Variants in HTT observed in about 807,000 individuals in gnomAD.
HTT encodes huntington disease protein.
In HTT, 104 loss-of-function variants were observed where a neutral mutation model predicts 362.3. The ratio of observed to expected loss-of-function variants is 0.29; its 90% confidence interval spans 0.24 to 0.34. The LOEUF (loss-of-function observed/expected upper bound fraction) is 0.34, where lower values mean the gene tolerates loss of function less well. Ranked by LOEUF, HTT falls within the 10% of genes least tolerant of loss-of-function variation. The pLI is 1.00. For synonymous variants in HTT, 1,577 were observed against 1,548.7 expected (o/e 1.02, Z -0.43); for missense variants, 3,301 against 3,928.6 (o/e 0.84, Z 4.27).
Position 3,208,469 on chromosome 4 carries a change from C to T in HTT, c.6153-304C>T, listed in dbSNP as rs188605299. On this transcript the variant is annotated intron_variant, in intron 45 of 66. Transcript: ENST00000355072. ...AAGAAAGCCTTTATTAGCTTTTATACTGTGTATTGCCTGTTGCAGTGTTTG... is the reference window on the plus strand; with the variant it reads ...AAGAAAGCCTTTATTAGCTTTTATATTGTGTATTGCCTGTTGCAGTGTTTG... 9.1e-4 allele frequency among the ~76,000 whole-genome samples: 139 copies of T among 152,292 alleles called. 1 individual carries two copies. Among genetic ancestry groups the T allele is most frequent in the African/African-American group, 3.1e-3 (130 of 41,566 alleles).
intron 50 of HTT, 41 bp downstream of exon 50, chr4:3,214,176 C>T: frequency 1.5e-6 from 2 of 1,375,616 alleles, no homozygotes; most frequent in Non-Finnish European, 1.9e-6. Flanking sequence ...TATCATAGTT[C>T]CTGTCTGCTT....
intron 40 of HTT, 90 bp from the exon 41 acceptor site, chr4:3,199,642 C>G: frequency 1.7e-6 from 2 of 1,153,394 alleles, no homozygotes; most frequent in South Asian, 2.6e-5. Flanking sequence ...ACGACTCAGC[C>G]TGTTTCATTT....
intron 24 of HTT, among the ~76,000 whole-genome samples, 156 bp downstream of exon 24, chr4:3,145,384 G>A (rs997086360): frequency 1.3e-5 from 2 of 152,194 alleles, no homozygotes; most frequent in Non-Finnish European, 2.9e-5. Flanking sequence ...TATATTAGCT[G>A]TGTGAGACTA....
chr4:3,115,518 A>G lies in HTT; in HGVS notation c.889+73A>G, dbSNP rs1403422249. 2.4e-6 allele frequency: 3 copies of G among 1,230,982 alleles called. No individual in the cohort carries two copies. The African/African-American group carries it at 4.5e-5, about 18-fold the overall frequency. 76.3% of individuals were successfully genotyped at this position (1,230,982 alleles called of 1,614,324 possible). On this transcript the variant is annotated intron_variant, in intron 7 of 66. Coordinates refer to ENST00000355072, the MANE Select transcript of HTT (RefSeq NM_001388492.1). Reference sequence around the variant, plus strand: ...ATAGACCTTTGAAATAAATAAAACCAGATGATCCCTCAGCTTCTAGACCAG... The same window carrying G: ...ATAGACCTTTGAAATAAATAAAACCGGATGATCCCTCAGCTTCTAGACCAG...
intron 15 of HTT, 82 bp downstream of exon 15, chr4:3,131,479 G>C: frequency 6.9e-7 from 1 of 1,453,728 alleles, no homozygotes; most frequent in South Asian, 1.1e-5. Flanking sequence ...TTTGCCTTGC[G>C]TGCAGCAGAG....
Position 3,172,918 on chromosome 4 carries a change from C to A in HTT, c.3953C>A (p.Thr1318Asn), listed in dbSNP as rs1355502821. The change falls in exon 31 of 67, where the codon ACT becomes AAT. Residue 1318 changes from threonine to asparagine, a missense_variant. Around this residue, in one of 4 missense-constraint regions of HTT, gnomAD observed 2,316 missense variants for 2,658.5 expected, o/e 0.87. Coordinates refer to ENST00000355072, the MANE Select transcript of HTT (RefSeq NM_001388492.1). ...ATVCVQQLLK[T>N]LFGTNLASQF... Reference sequence around the variant, plus strand: ...TTTTTTTCACTGTAGTTGTTGAAGACTCTCTTTGGCACAAACTTGGCCTCC... The same window carrying A: ...TTTTTTTCACTGTAGTTGTTGAAGAATCTCTTTGGCACAAACTTGGCCTCC... 1 of 1,613,784 alleles carries A rather than the reference C, an allele frequency of 6.2e-7. No individual in the cohort carries two copies. Among genetic ancestry groups the A allele is most frequent in the Non-Finnish European group, 8.5e-7 (1 of 1,179,768 alleles).
chr4:3,237,362 C>T (rs756387303), intron 64 of HTT, among the ~76,000 whole-genome samples: 2 of 152,240 alleles, frequency 1.3e-5, no homozygotes, highest in African/African-American at 4.8e-5. Flanking sequence ...GCGTGAGCCA[C>T]TGCGCCCGGC....
intron 59 of HTT, among the ~76,000 whole-genome samples, chr4:3,229,271 G>T (rs201362947): frequency 0.019 from 1,223 of 65,920 alleles, 6 homozygotes; most frequent in Non-Finnish European, 0.026. Flanking sequence ...CCACACACAT[G>T]CCACATGCAC....
intron 53 of HTT, 144 bp from the exon 54 acceptor site, chr4:3,222,243 A>G: frequency 3.2e-6 from 2 of 630,216 alleles, no homozygotes; most frequent in Admixed American, 2.7e-5. Flanking sequence ...TCCCCGCATC[A>G]TAGAACTGTG....
intron 29 of HTT, among the ~76,000 whole-genome samples, chr4:3,163,395 G>A (rs1023245851): frequency 2.0e-5 from 3 of 152,048 alleles, no homozygotes; most frequent in African/African-American, 4.8e-5. Flanking sequence ...CTCTTTTTTT[G>A]TTGTGTCTCT....
At chr4:3,099,442 G>A in intron 3 of HTT, 48 bp downstream of exon 3, 1 of 1,606,684 alleles carries the variant, frequency 6.2e-7, no homozygotes, top group Non-Finnish European at 8.5e-7. Flanking sequence ...CATTGTTGTA[G>A]GCTGAGAGAA....
At position 3,174,613 on chromosome 4, in the gene HTT, C is replaced by T. The variant is rs1192691098; in HGVS notation, c.4167-108C>T. On this transcript the variant is annotated intron_variant, in intron 31 of 66. Coordinates refer to ENST00000355072, the MANE Select transcript of HTT (RefSeq NM_001388492.1). ...AAGTTGTTTCTCAATCTGACACGTT[C>T]TGATCGTGTGAATGTGAAATTGGTT... is the stretch of plus-strand genomic sequence containing the variant. 5 of 818,136 alleles carry T rather than the reference C, an allele frequency of 6.1e-6. No homozygotes were observed. In the African/African-American group the frequency reaches 8.4e-5, roughly 14 times the overall value. 50.7% of individuals were successfully genotyped at this position (818,136 alleles called of 1,614,324 possible).
rs1719866332 is a variant in HTT at position 3,206,630 on chromosome 4, C to T, written c.5853C>T (p.Gly1951=). Residue 1951 remains glycine, a synonymous_variant, in exon 43 of 67, where the codon GGC becomes GGT. Coordinates refer to ENST00000355072, the MANE Select transcript of HTT (RefSeq NM_001388492.1). This position sits in a 1 kb window ranked among gnomAD's most constrained non-coding sequence, Gnocchi z 4.6. ...SAVHRNSAAS[G]LFIQAIQSRC... ...TTCATCGGAACTCTGCTGCCAGCGG[C>T]CTGTTCATCCAGGCAATTCAGTCTC... The T allele has an allele frequency of 1.2e-6, 2 of 1,614,206 alleles. No individual in the cohort carries two copies. Among genetic ancestry groups the T allele is most frequent in the Non-Finnish European group, 1.7e-6 (2 of 1,180,054 alleles).
At chr4:3,207,101 A>C (rs556772116) in intron 44 of HTT, 118 bp downstream of exon 44, 18 of 1,159,836 alleles carry the variant, frequency 1.6e-5, no homozygotes, top group Non-Finnish European at 2.2e-5. Flanking sequence ...CGATAGAAAC[A>C]TGGAAACATC....
At position 3,074,943 on chromosome 4, in the gene HTT, C is replaced by CAGCAGCAGCAGCAGCAGCAGCAGCAG; in HGVS notation, c.118_119insAGCAGCAGCAGCAGCAGCAGCAGCAG (p.Pro40GlnfsTer70). On this transcript the variant is annotated frameshift_variant, in exon 1 of 67. Coordinates refer to ENST00000355072, the MANE Select transcript of HTT (RefSeq NM_001388492.1). LOFTEE classifies it high-confidence loss of function. ...GCAGCAGCAGCAGCAGCAACAGCCG[C>CAGCAGCAGCAGCAGCAGCAGCAGCAG]CACCGCCGCCGCCGCCGCCGCCGCC... 1 of 1,485,134 alleles carries CAGCAGCAGCAGCAGCAGCAGCAGCAG rather than the reference C, an allele frequency of 6.7e-7. No homozygotes were observed. The highest frequency in any genetic ancestry group is 8.9e-7 in the Non-Finnish European group (1 of 1,121,724). The allele number at this position is 1,485,134 out of a possible 1,614,324, so 92.0% of individuals were successfully genotyped here. A position where few individuals can be genotyped will look rare whatever the true frequency, so the allele number is the denominator to read the frequency against.
Position 3,212,594 on chromosome 4 carries a change from C to T in HTT, c.6659C>T (p.Thr2220Ile). Residue 2220 changes from threonine to isoleucine, a missense_variant, in exon 49 of 67, where the codon ACT (threonine) becomes ATT (isoleucine). This residue lies in a region of HTT where 220 missense variants were observed against 218.5 expected (regional missense o/e 1.01). Transcript: ENST00000355072. ...GCTGCACTGTATCAGTCCCTGCCCA[C>T]TCTGGCCCGGGCCCTGGCACAGTAC... ...GDAALYQSLP[T>I]LARALAQYLV... 6.2e-7 allele frequency: 1 copy of T among 1,614,280 alleles called. No homozygotes were observed. The highest frequency in any genetic ancestry group is 8.5e-7 in the Non-Finnish European group (1 of 1,180,048).
At position 3,206,737 on chromosome 4, in the gene HTT, T is replaced by C. The variant is rs572867958; in HGVS notation, c.5898+62T>C. On this transcript the variant is annotated intron_variant, in intron 43 of 66. Transcript: ENST00000355072. The surrounding 1 kb of genome is among the most constrained non-coding windows in gnomAD (Gnocchi z 4.6). ...TTTTCCCTGCCTTAAAAATGGAGTA[T>C]TGAAATTTTTAACTTTAATTTCTGA... The C allele has an allele frequency of 1.2e-4, 197 of 1,588,058 alleles. No individual in the cohort carries two copies. Among genetic ancestry groups the C allele is most frequent in the Admixed American group, 3.9e-4 (22 of 57,006 alleles).
rs566297413 is a variant in HTT, at chr4:3,131,298, A to G, written c.1999A>G (p.Lys667Glu). 3.1e-6 allele frequency: 5 copies of G among 1,613,330 alleles called. No homozygotes were observed. Among genetic ancestry groups the G allele is most frequent in the South Asian group, 1.1e-5 (1 of 91,058 alleles). ...GTCTCCTTTCTAGCCTTGCCGCATC[A>G]AAGGTGACATTGGACAGTCCACTGA... ...GDQENKPCRI[K>E]GDIGQSTDDD... The change falls in exon 15 of 67, where the codon AAA becomes GAA. Residue 667 changes from lysine (K) to glutamate (E), a missense_variant. By Grantham distance (56) the Lys-to-Glu change is moderately conservative. Around this residue, in one of 4 missense-constraint regions of HTT, gnomAD observed 2,316 missense variants for 2,658.5 expected, o/e 0.87. Coordinates refer to ENST00000355072, the MANE Select transcript of HTT (RefSeq NM_001388492.1).
chr4:3,122,824 A>G, intron 9 of HTT, 65 bp from the exon 10 acceptor site: 1 of 1,361,548 alleles, frequency 7.3e-7, no homozygotes, highest in Non-Finnish European at 1.0e-6. Context: ...CTGTTTGAAG[A>G]TTTTCACATT....
Sources: allele counts gnomAD v4.1 joint callset (sites outside exome capture counted in the v4.1 genomes callset), GRCh38; gene constraint gnomAD v4.1.1; regional missense constraint gnomAD v4.1.1; non-coding constraint Gnocchi (gnomAD v3.1); transcripts MANE v1.5; gene names NCBI Gene and HGNC (gene_info 2026-07-23, HGNC 2026-07-21).